Variants in SYT1 observed in about 807,000 individuals in gnomAD.
SYT1 encodes the protein synaptotagmin 1.
In SYT1, 8 loss-of-function variants were observed where a neutral mutation model predicts 44.8. The observed-to-expected ratio is 0.18, with a 90% CI of 0.10 to 0.32. The LOEUF (loss-of-function observed/expected upper bound fraction) is 0.32, where lower values mean the gene tolerates loss of function less well. SYT1 is among the 10% of genes least tolerant of loss of function. SYT1 has a pLI of 1.00. For missense variants in SYT1, 286 were observed against 509.3 expected (o/e 0.56, Z 4.22); for synonymous variants, 154 against 188.8 (o/e 0.82, Z 1.51).
intron 3 of SYT1, among the ~76,000 whole-genome samples, chr12:79,132,179 G>T (rs1868868570): frequency 1.3e-5 from 2 of 152,222 alleles, no homozygotes; most frequent in South Asian, 4.1e-4. Context: ...GGCCGAGAGT[G>T]GTGGCTCACA....
intron 9 of SYT1, among the ~76,000 whole-genome samples, chr12:79,371,293 C>T (rs1398170453): frequency 2.0e-5 from 3 of 152,194 alleles, no homozygotes; most frequent in Non-Finnish European, 4.4e-5. Context: ...AGACAGTGCA[C>T]ACTGTAATTT....
intron 3 of SYT1, among the ~76,000 whole-genome samples, chr12:79,071,493 CTAAATGTGG>C (rs1273425404): frequency 6.6e-6 from 1 of 152,144 alleles, no homozygotes; most frequent in Non-Finnish European, 1.5e-5. Flanking sequence ...ATCCCAAAGC[CTAAATGTGG>C]TTAAATGCCT....
intron 3 of SYT1, among the ~76,000 whole-genome samples, chr12:79,089,360 T>G (rs1448911320): frequency 5.9e-5 from 9 of 152,000 alleles, no homozygotes; most frequent in Non-Finnish European, 1.0e-4. Context: ...CACATTATAC[T>G]GAGTTATCTA....
At chr12:79,261,613 AG>A (rs1877834517) in intron 4 of SYT1, among the ~76,000 whole-genome samples, 1 of 152,176 alleles carries the variant, frequency 6.6e-6, no homozygotes, top group Admixed American at 6.5e-5. Flanking sequence ...GAATATCTTT[AG>A]GTTAAAAAAA....
chr12:78,936,424 T>A (rs543744348), intron 1 of SYT1, among the ~76,000 whole-genome samples: 1 of 152,294 alleles, frequency 6.6e-6, no homozygotes, highest in African/African-American at 2.4e-5. Flanking sequence ...TATTTACTGT[T>A]TCTTAAATCA....
intron 1 of SYT1, among the ~76,000 whole-genome samples, chr12:78,937,697 A>T (rs1262887811): frequency 6.6e-6 from 1 of 152,188 alleles, no homozygotes; most frequent in Admixed American, 6.6e-5. Context: ...GAAGACTGTA[A>T]TAATTACAAA....
intron 9 of SYT1, among the ~76,000 whole-genome samples, chr12:79,421,688 CT>C (rs1226570351): frequency 2.0e-5 from 3 of 149,920 alleles, no homozygotes; most frequent in Non-Finnish European, 3.0e-5. Flanking sequence ...CAATGTGACA[CT>C]TTTTTTGTTT....
chr12:79,279,854 A>G (rs1289320908), intron 4 of SYT1, among the ~76,000 whole-genome samples: 1 of 152,146 alleles, frequency 6.6e-6, no homozygotes, highest in Non-Finnish European at 1.5e-5. Flanking sequence ...AATAATGATC[A>G]AGCTGAGAAT....
chr12:78,874,908 T>C (rs1873988807), intron 1 of SYT1, among the ~76,000 whole-genome samples: 1 of 151,652 alleles, frequency 6.6e-6, no homozygotes, highest in South Asian at 2.1e-4. Flanking sequence ...TCTGTTTGGC[T>C]TCCTCACTTT....
At chr12:79,127,961 C>A (rs888365352) in intron 3 of SYT1, among the ~76,000 whole-genome samples, 3 of 152,058 alleles carry the variant, frequency 2.0e-5, no homozygotes, top group Non-Finnish European at 2.9e-5. Context: ...TAAATAAATG[C>A]ATGATGGATG....
chr12:79,136,124 A>G (rs905070431), intron 3 of SYT1, among the ~76,000 whole-genome samples: 3 of 152,214 alleles, frequency 2.0e-5, no homozygotes, highest in African/African-American at 7.2e-5. Flanking sequence ...TAGATTTAAC[A>G]TTTAGATAGA....
At chr12:79,367,705 G>A (rs1344348152) in intron 9 of SYT1, among the ~76,000 whole-genome samples, 1 of 151,936 alleles carries the variant, frequency 6.6e-6, no homozygotes, top group Non-Finnish European at 1.5e-5. Context: ...GAAAAACCTG[G>A]TTGGATTATA....
intron 3 of SYT1, among the ~76,000 whole-genome samples, chr12:79,175,720 T>C (rs925057708): frequency 1.3e-5 from 2 of 151,994 alleles, no homozygotes; most frequent in African/African-American, 4.8e-5. Context: ...CTTATCATCA[T>C]TTGTATGTGG....
chr12:79,349,607 ATT>A (rs1349086372), intron 8 of SYT1, among the ~76,000 whole-genome samples: 15 of 152,186 alleles, frequency 9.9e-5, no homozygotes, highest in African/African-American at 3.4e-4. Flanking sequence ...TCACAGGGCT[ATT>A]CTAGAAAAAA....
rs1871071655 is a variant in SYT1, at chr12:79,451,778, T to A, written c.*2654T>A. ...TTTACTGCCTGCTTGAGTGTTTCTA[T>A]GTGTGGGTTTTCCCTGTATCTTGTA... On this transcript the variant is annotated 3_prime_UTR_variant, in exon 11 of 11. Coordinates refer to ENST00000261205, the MANE Select transcript of SYT1 (RefSeq NM_005639.3). The A allele has an allele frequency of 6.6e-6, 1 of 152,214 alleles. No individual in the cohort carries two copies. The allele number at this position is 152,214 out of a possible 1,614,324, so 9.4% of individuals were successfully genotyped here.
intron 2 of SYT1, among the ~76,000 whole-genome samples, chr12:79,041,996 G>C (rs1873617627): frequency 6.6e-6 from 1 of 151,964 alleles, no homozygotes; most frequent in African/African-American, 2.4e-5. Context: ...TGGTGGATAA[G>C]CTTTTTGATG....
intron 4 of SYT1, among the ~76,000 whole-genome samples, chr12:79,266,195 G>A (rs1409756630): frequency 6.6e-6 from 1 of 152,156 alleles, no homozygotes; most frequent in East Asian, 1.9e-4. Flanking sequence ...GAAGGCAAAG[G>A]AAAGGAAGAA....
intron 10 of SYT1, among the ~76,000 whole-genome samples, chr12:79,447,913 G>A (rs1027778446): frequency 6.6e-6 from 1 of 151,992 alleles, no homozygotes; most frequent in Non-Finnish European, 1.5e-5. Flanking sequence ...TTCTTAATCT[G>A]GCCCTAGCTT....
intron 9 of SYT1, among the ~76,000 whole-genome samples, chr12:79,355,243 C>A (rs12321128): frequency 0.033 from 5,026 of 152,130 alleles, 94 homozygotes; most frequent in Middle Eastern, 0.065. Flanking sequence ...ATGGGGCTTA[C>A]AGTCATATAA....
Sources: gnomAD v4.1 joint callset for allele counts (sites outside exome capture counted in the v4.1 genomes callset) on GRCh38, gnomAD v4.1.1 for gene constraint, MANE v1.5 for transcripts, NCBI Gene and HGNC (gene_info 2026-07-23, HGNC 2026-07-21) for gene names.